The following IGFL2 variants were observed in gnomAD, a reference collection of about 807,000 sequenced individuals.
IGFL2 encodes insulin growth factor-like family member 2.
In IGFL2, 7 loss-of-function variants were observed where a neutral mutation model predicts 13.9. The ratio of observed to expected loss-of-function variants is 0.51; its 90% confidence interval spans 0.29 to 0.95. The LOEUF (loss-of-function observed/expected upper bound fraction) is 0.95. IGFL2 is among the 40% of genes least tolerant of loss of function. The pLI is 0.08. For missense variants in IGFL2, 138 were observed against 147.8 expected (o/e 0.93, Z 0.34); for synonymous variants, 55 against 55.8 (o/e 0.99, Z 0.07).
chr19:46,147,368 G>C (rs1568422552), upstream of IGFL2, among the ~76,000 whole-genome samples: 2 of 152,120 alleles, frequency 1.3e-5, no homozygotes, highest in African/African-American at 4.8e-5. Flanking sequence ...GGTCCCCTTA[G>C]TTACCCTCTC....
At chr19:46,130,250 T>G in the IGFL2 span, among the ~76,000 whole-genome samples, 1 of 152,280 alleles carries the variant, frequency 6.6e-6, no homozygotes, top group East Asian at 1.9e-4. Context: ...GTGGGTGTAA[T>G]TGCATGTGAG....
chr19:46,150,648 C>G (rs73048052), intron 1 of IGFL2, among the ~76,000 whole-genome samples: 8 of 152,072 alleles, frequency 5.3e-5, no homozygotes, highest in African/African-American at 1.4e-4. Context: ...ATATACTCTT[C>G]AGCAATTTTG....
At chr19:46,111,796 G>C in the IGFL2 span, 1 of 152,146 alleles carries the variant, frequency 6.6e-6, no homozygotes, top group Admixed American at 6.6e-5. Context: ...TCTAGTCCTA[G>C]AGGATCAATT....
At chr19:46,135,882 C>T in the IGFL2 span, among the ~76,000 whole-genome samples, 1 of 152,204 alleles carries the variant, frequency 6.6e-6, no homozygotes, top group South Asian at 2.1e-4. Flanking sequence ...TGGCAGCAAA[C>T]ACTTTCTTTT....
the IGFL2 span, among the ~76,000 whole-genome samples, chr19:46,181,907 C>T: frequency 7.9e-5 from 12 of 152,192 alleles, no homozygotes; most frequent in African/African-American, 2.9e-4. Flanking sequence ...TCTCCTTTCT[C>T]CCTCCAGATC....
the IGFL2 span, among the ~76,000 whole-genome samples, chr19:46,170,077 CT>C: frequency 6.6e-6 from 1 of 151,898 alleles, no homozygotes; most frequent in Non-Finnish European, 1.5e-5. Context: ...GATGCAAGGG[CT>C]CCATGGCACC....
the IGFL2 span, chr19:46,208,527 T>G: frequency 6.6e-6 from 1 of 152,212 alleles, no homozygotes; most frequent in Non-Finnish European, 1.5e-5. Context: ...CAGTTCCTCC[T>G]TACTCAGGAT....
chr19:46,195,909 A>G, the IGFL2 span: 2 of 152,480 alleles, frequency 1.3e-5, no homozygotes, highest in Admixed American at 1.3e-4. Context: ...GGTCAGCTGT[A>G]ACATTGTGGC....
chr19:46,079,915 C>T, the IGFL2 span, among the ~76,000 whole-genome samples: 2 of 152,088 alleles, frequency 1.3e-5, no homozygotes, highest in South Asian at 4.1e-4. Context: ...CCTATTGCTC[C>T]CTGGCGTCTC....
chr19:46,193,990 CTT>C, the IGFL2 span, among the ~76,000 whole-genome samples: 19 of 152,282 alleles, frequency 1.2e-4, no homozygotes, highest in East Asian at 3.5e-3. Flanking sequence ...AGTCCAGAAA[CTT>C]TGCGGTCATC....
At chr19:46,097,692 A>G in the IGFL2 span, among the ~76,000 whole-genome samples, 1 of 152,270 alleles carries the variant, frequency 6.6e-6, no homozygotes, top group African/African-American at 2.4e-5. Flanking sequence ...CATCCCAGAG[A>G]TTCTGGTACA....
chr19:46,201,165 T>C, the IGFL2 span, among the ~76,000 whole-genome samples: 3 of 152,116 alleles, frequency 2.0e-5, no homozygotes, highest in Non-Finnish European at 2.9e-5. Flanking sequence ...CCCCTCGTGA[T>C]TGCACCATTA....
the IGFL2 span, among the ~76,000 whole-genome samples, chr19:46,085,684 T>C: frequency 3.3e-5 from 5 of 152,320 alleles, no homozygotes; most frequent in South Asian, 6.2e-4. Flanking sequence ...CTGGTTGTTA[T>C]GTAGACCTGA....
At chr19:46,174,301 T>G in the IGFL2 span, among the ~76,000 whole-genome samples, 1 of 152,308 alleles carries the variant, frequency 6.6e-6, no homozygotes, top group East Asian at 1.9e-4. Flanking sequence ...CAGCAGAGCA[T>G]AAAACCAACA....
chr19:46,165,395 A>G (rs1243922687), downstream of IGFL2, among the ~76,000 whole-genome samples: 1 of 152,214 alleles, frequency 6.6e-6, no homozygotes, highest in Admixed American at 6.5e-5. Context: ...GTCCCATTCT[A>G]GTCTGCAGCC....
the IGFL2 span, among the ~76,000 whole-genome samples, chr19:46,098,672 T>A: frequency 6.6e-6 from 1 of 152,090 alleles, no homozygotes; most frequent in Non-Finnish European, 1.5e-5. Context: ...AGATATGTGG[T>A]TTCACCATAT....
At chr19:46,193,884 T>C in the IGFL2 span, among the ~76,000 whole-genome samples, 1 of 152,168 alleles carries the variant, frequency 6.6e-6, no homozygotes, top group Non-Finnish European at 1.5e-5. Context: ...CCACAGTGTG[T>C]TGGCTCAGCC....
the IGFL2 span, among the ~76,000 whole-genome samples, chr19:46,082,891 T>C: frequency 6.6e-6 from 1 of 152,154 alleles, no homozygotes; most frequent in Admixed American, 6.5e-5. Context: ...AATTTTCCCC[T>C]GGGTGTGGGA....
chr19:46,200,960 G>A, the IGFL2 span: 2 of 152,124 alleles, frequency 1.3e-5, no homozygotes, highest in Non-Finnish European at 2.9e-5. Flanking sequence ...CCATTTTTGT[G>A]TCTGTTTCTT....
Sources: allele counts gnomAD v4.1 joint callset (sites outside exome capture counted in the v4.1 genomes callset), GRCh38; gene constraint gnomAD v4.1.1; transcripts MANE v1.5; gene names NCBI Gene and HGNC (gene_info 2026-07-23, HGNC 2026-07-21).